The following AUTS2 variants were observed in gnomAD, a reference collection of about 807,000 sequenced individuals.
AUTS2 encodes the protein activator of transcription and developmental regulator AUTS2, also known as autism susceptibility gene 2 protein.
A neutral mutation model predicts 112.4 loss-of-function variants in AUTS2; 17 were observed. The ratio of observed to expected loss-of-function variants is 0.15; its 90% confidence interval spans 0.10 to 0.23. The LOEUF is 0.23. AUTS2 is among the 10% of genes least tolerant of loss of function. The probability of loss-of-function intolerance (pLI) is 1.00; values close to 1 mark genes in which losing one functional copy is unlikely to be tolerated. For synonymous variants in AUTS2, 751 were observed against 702.7 expected (o/e 1.07, Z -1.09); for missense variants, 1,510 against 1,701.6 (o/e 0.89, Z 1.98).
At chr7:69,852,124 G>T (rs989220230) in intron 1 of AUTS2, among the ~76,000 whole-genome samples, 1 of 152,092 alleles carries the variant, frequency 6.6e-6, no homozygotes, top group Non-Finnish European at 1.5e-5. Context: ...TTGGGTAGTT[G>T]TTCTTTGAAG....
intron 4 of AUTS2, among the ~76,000 whole-genome samples, chr7:70,138,361 T>C (rs555926847): frequency 6.4e-4 from 97 of 152,324 alleles, no homozygotes; most frequent in Non-Finnish European, 1.2e-3. Flanking sequence ...CTGGACTCAT[T>C]CTTTATAGCA....
intron 2 of AUTS2, among the ~76,000 whole-genome samples, chr7:70,021,967 T>C (rs1011332888): frequency 3.9e-5 from 6 of 151,936 alleles, no homozygotes; most frequent in Non-Finnish European, 7.4e-5. Context: ...TGGTTTAGTG[T>C]CCCAGTTCCA....
intron 6 of AUTS2, among the ~76,000 whole-genome samples, chr7:70,706,227 T>A (rs1809730087): frequency 6.6e-6 from 1 of 152,334 alleles, no homozygotes; most frequent in East Asian, 1.9e-4. Context: ...TTTGTTTTTA[T>A]TCTGGGATCC....
intron 5 of AUTS2, among the ~76,000 whole-genome samples, chr7:70,497,462 C>A (rs113723239): frequency 6.6e-6 from 1 of 152,266 alleles, no homozygotes; most frequent in South Asian, 2.1e-4. Flanking sequence ...TTACGTGTAA[C>A]CATGGTTAGA....
At chr7:70,065,149 C>A (rs1486465979) in intron 2 of AUTS2, among the ~76,000 whole-genome samples, 1 of 152,142 alleles carries the variant, frequency 6.6e-6, no homozygotes, top group African/African-American at 2.4e-5. Flanking sequence ...GAAATCTGTT[C>A]AATCCCACCA....
chr7:69,905,655 A>G (rs1306323018), intron 2 of AUTS2, among the ~76,000 whole-genome samples: 2 of 152,102 alleles, frequency 1.3e-5, no homozygotes, highest in African/African-American at 4.8e-5. Flanking sequence ...TGGAGGGCAG[A>G]TCCTTCCCTA....
intron 2 of AUTS2, among the ~76,000 whole-genome samples, chr7:69,926,973 T>TATAC (rs1796042690): frequency 6.8e-6 from 1 of 146,858 alleles, no homozygotes; most frequent in Middle Eastern, 3.6e-3. Flanking sequence ...ATATTATATA[T>TATAC]ATACAGTATT....
chr7:70,271,151 T>A (rs1787675416), intron 4 of AUTS2, among the ~76,000 whole-genome samples: 1 of 152,152 alleles, frequency 6.6e-6, no homozygotes, highest in South Asian at 2.1e-4. Context: ...CATGAGGGCA[T>A]TCTGTGTCTT....
At chr7:70,503,638 C>T (rs1349840902) in intron 5 of AUTS2, among the ~76,000 whole-genome samples, 1 of 151,264 alleles carries the variant, frequency 6.6e-6, no homozygotes. Context: ...CCACCTCAGC[C>T]TCCCAAGCAG....
intron 5 of AUTS2, among the ~76,000 whole-genome samples, chr7:70,645,602 C>T (rs893637788): frequency 2.0e-5 from 3 of 152,168 alleles, no homozygotes; most frequent in Admixed American, 6.5e-5. Flanking sequence ...GGCCTGCTCA[C>T]GAAGGCAAGA....
At chr7:70,623,132 A>G (rs954490192) in intron 5 of AUTS2, among the ~76,000 whole-genome samples, 11 of 152,214 alleles carry the variant, frequency 7.2e-5, no homozygotes, top group African/African-American at 1.9e-4. Context: ...CCTCACAGTT[A>G]TCCAATACCA....
At chr7:70,777,951 T>C (rs1207556242) in intron 14 of AUTS2, among the ~76,000 whole-genome samples, 2 of 152,200 alleles carry the variant, frequency 1.3e-5, no homozygotes, top group Non-Finnish European at 2.9e-5. Flanking sequence ...GTGTGCCCTA[T>C]ATGAAGATGA....
chr7:70,291,919 A>C (rs984862577), intron 4 of AUTS2: 3 of 152,202 alleles, frequency 2.0e-5, no homozygotes. Flanking sequence ...ATGAAGTATA[A>C]GCAAAACCGT....
chr7:70,768,661 T>A (rs1315148756), intron 10 of AUTS2, among the ~76,000 whole-genome samples: 1 of 152,098 alleles, frequency 6.6e-6, no homozygotes, highest in Non-Finnish European at 1.5e-5. Flanking sequence ...CATTCTCCTT[T>A]ATTTAAAAAA....
intron 1 of AUTS2, among the ~76,000 whole-genome samples, chr7:69,662,864 T>G (rs1037886945): frequency 6.6e-6 from 1 of 152,238 alleles, no homozygotes; most frequent in Non-Finnish European, 1.5e-5. Context: ...AGACATCTTA[T>G]GGAATTACAC....
intron 5 of AUTS2, among the ~76,000 whole-genome samples, chr7:70,649,561 C>T (rs1162159957): frequency 6.6e-6 from 1 of 151,282 alleles, no homozygotes; most frequent in Admixed American, 6.6e-5. Context: ...CGGAGTCTCG[C>T]ACTGTCACCC....
At chr7:70,658,336 C>G (rs1806887480) in intron 5 of AUTS2, among the ~76,000 whole-genome samples, 1 of 152,220 alleles carries the variant, frequency 6.6e-6, no homozygotes, top group Non-Finnish European at 1.5e-5. Flanking sequence ...CACTCCCCCC[C>G]AACACCACAC....
At chr7:70,316,161 A>G (rs1388810636) in intron 4 of AUTS2, among the ~76,000 whole-genome samples, 1 of 152,224 alleles carries the variant, frequency 6.6e-6, no homozygotes, top group African/African-American at 2.4e-5. Context: ...TGATTAACCA[A>G]AAGTTAGCTT....
chr7:70,320,013 C>A (rs543076204), intron 4 of AUTS2, among the ~76,000 whole-genome samples: 1 of 152,140 alleles, frequency 6.6e-6, no homozygotes, highest in African/African-American at 2.4e-5. Flanking sequence ...TACCACTGTC[C>A]CTGAGCACTT....
Sources: gnomAD v4.1 joint callset for allele counts (sites outside exome capture counted in the v4.1 genomes callset) on GRCh38, gnomAD v4.1.1 for gene constraint, MANE v1.5 for transcripts, NCBI Gene and HGNC (gene_info 2026-07-23, HGNC 2026-07-21) for gene names.